AIG1: variants seen among roughly 807,000 people sequenced by gnomAD.
AIG1 encodes the protein androgen induced 1, also known as androgen-induced gene 1 protein.
In AIG1, 23 loss-of-function variants were observed where a neutral mutation model predicts 31.4. The observed-to-expected ratio is 0.73, with a 90% CI of 0.53 to 1.04. The LOEUF is 1.04. Among genes scored for constraint, AIG1 ranks in the 50% least tolerant of loss-of-function variants. AIG1 has a pLI of 0.00. For missense variants in AIG1, 274 were observed against 295.0 expected (o/e 0.93, Z 0.52); for synonymous variants, 100 against 110.5 (o/e 0.90, Z 0.60).
intron 1 of AIG1, among the ~76,000 whole-genome samples, chr6:143,119,094 G>A (rs1168991726): frequency 6.6e-6 from 1 of 151,966 alleles, no homozygotes; most frequent in Non-Finnish European, 1.5e-5. Flanking sequence ...GGCTGGTCTC[G>A]AACTTCTAGG....
chr6:143,063,004 G>A (rs1049027614), intron 1 of AIG1, among the ~76,000 whole-genome samples: 2 of 152,180 alleles, frequency 1.3e-5, no homozygotes, highest in Non-Finnish European at 2.9e-5. Flanking sequence ...TGGGAGCAAG[G>A]CAGGGGTCAG....
At chr6:143,078,880 T>G (rs1333424964) in intron 1 of AIG1, among the ~76,000 whole-genome samples, 2 of 152,196 alleles carry the variant, frequency 1.3e-5, no homozygotes, top group African/African-American at 4.8e-5. Flanking sequence ...AATGTTGATT[T>G]TGTTTATCTG....
At chr6:143,300,968 C>A (rs1798784798) in intron 4 of AIG1, among the ~76,000 whole-genome samples, 1 of 151,674 alleles carries the variant, frequency 6.6e-6, no homozygotes, top group Non-Finnish European at 1.5e-5. Flanking sequence ...TTATTTATTT[C>A]TTTTTTTTGA....
At chr6:143,252,450 A>G (rs1294872826) in intron 3 of AIG1, among the ~76,000 whole-genome samples, 1 of 152,200 alleles carries the variant, frequency 6.6e-6, no homozygotes, top group African/African-American at 2.4e-5. Flanking sequence ...AGGCAGCAGT[A>G]TAGGAATCCA....
At chr6:143,283,296 G>A (rs1171996243) in intron 3 of AIG1, among the ~76,000 whole-genome samples, 2 of 152,136 alleles carry the variant, frequency 1.3e-5, no homozygotes. Flanking sequence ...GTTCTACTCA[G>A]CTTCTTGGGA....
chr6:143,097,111 T>C (rs893986192), intron 1 of AIG1, among the ~76,000 whole-genome samples: 2 of 152,052 alleles, frequency 1.3e-5, no homozygotes, highest in African/African-American at 2.4e-5. Flanking sequence ...AGAAAGGGAA[T>C]AGCCCTGTAA....
At chr6:143,090,847 T>A (rs1406204733) in intron 1 of AIG1, among the ~76,000 whole-genome samples, 1 of 151,980 alleles carries the variant, frequency 6.6e-6, no homozygotes. Flanking sequence ...TGAAGTTTGC[T>A]GCATTGATTG....
At chr6:143,237,784 G>T (rs893860570) in intron 3 of AIG1, among the ~76,000 whole-genome samples, 2 of 152,182 alleles carry the variant, frequency 1.3e-5, no homozygotes, top group Non-Finnish European at 2.9e-5. Flanking sequence ...AAGTATATCA[G>T]CCAGGAAGCT....
At chr6:143,319,379 A>G (rs1776020344) in intron 4 of AIG1, among the ~76,000 whole-genome samples, 1 of 152,216 alleles carries the variant, frequency 6.6e-6, no homozygotes, top group Non-Finnish European at 1.5e-5. Flanking sequence ...TCAGGAATGG[A>G]AAACCAAACA....
chr6:143,157,261 G>A (rs1307162114), intron 2 of AIG1, among the ~76,000 whole-genome samples: 2 of 152,120 alleles, frequency 1.3e-5, no homozygotes, highest in Non-Finnish European at 2.9e-5. Context: ...GAAGGTGTAG[G>A]CCCTCTGCGG....
chr6:143,109,712 G>A (rs1048959399), intron 1 of AIG1, among the ~76,000 whole-genome samples: 4 of 152,046 alleles, frequency 2.6e-5, no homozygotes, highest in East Asian at 1.9e-4. Context: ...GTCCTTTGCC[G>A]TTTAAAAATA....
chr6:143,225,422 CTG>C (rs1490594815), intron 3 of AIG1, among the ~76,000 whole-genome samples: 1 of 152,188 alleles, frequency 6.6e-6, no homozygotes, highest in Non-Finnish European at 1.5e-5. Context: ...AAATGACTGA[CTG>C]AAAGTCATTT....
At chr6:143,225,856 A>G (rs1328990424) in intron 3 of AIG1, among the ~76,000 whole-genome samples, 5 of 152,188 alleles carry the variant, frequency 3.3e-5, no homozygotes, top group Non-Finnish European at 5.9e-5. Flanking sequence ...GCGAATTTGT[A>G]TATATTTTAA....
chr6:143,129,966 TGG>T (rs1783066211), intron 1 of AIG1, among the ~76,000 whole-genome samples: 1 of 151,216 alleles, frequency 6.6e-6, no homozygotes, highest in African/African-American at 2.4e-5. Flanking sequence ...ATGTCTCCCT[TGG>T]TCACCAGGCT....
At chr6:143,126,154 C>G (rs1782668073) in intron 1 of AIG1, 1 of 152,224 alleles carries the variant, frequency 6.6e-6, no homozygotes, top group Non-Finnish European at 1.5e-5. Context: ...GGCTAACCCG[C>G]TCCAAGGGTA....
chr6:143,086,695 G>T (rs967650845), intron 1 of AIG1, among the ~76,000 whole-genome samples: 2 of 152,208 alleles, frequency 1.3e-5, no homozygotes, highest in African/African-American at 4.8e-5. Context: ...GGGAGAGGAA[G>T]TGAAAGTCTG....
intron 2 of AIG1, among the ~76,000 whole-genome samples, chr6:143,138,217 T>G (rs1354649774): frequency 6.6e-6 from 1 of 152,244 alleles, no homozygotes; most frequent in Non-Finnish European, 1.5e-5. Flanking sequence ...AGTACTCAGA[T>G]TGAAGCTAAC....
chr6:143,069,492 G>A (rs1583057027), intron 1 of AIG1, among the ~76,000 whole-genome samples: 2 of 152,122 alleles, frequency 1.3e-5, no homozygotes, highest in South Asian at 2.1e-4. Flanking sequence ...AGAGTGTGGC[G>A]TTGTCAATTT....
At chr6:143,221,904 G>C (rs1223418334) in intron 3 of AIG1, among the ~76,000 whole-genome samples, 3 of 152,144 alleles carry the variant, frequency 2.0e-5, no homozygotes, top group African/African-American at 7.2e-5. Context: ...GCAGTTTTCT[G>C]GCTTAAATCA....
Sources: allele counts gnomAD v4.1 joint callset (sites outside exome capture counted in the v4.1 genomes callset), GRCh38; gene constraint gnomAD v4.1.1; transcripts MANE v1.5; gene names NCBI Gene and HGNC (gene_info 2026-07-23, HGNC 2026-07-21).